ATXN2: variants seen among roughly 807,000 people sequenced by gnomAD.
ATXN2 encodes the protein ataxin-2.
In ATXN2, 37 loss-of-function variants were observed where a neutral mutation model predicts 138.6. The ratio of observed to expected loss-of-function variants is 0.27; its 90% CI spans 0.21 to 0.35. The LOEUF is 0.35. Ranked by LOEUF, ATXN2 falls within the 10% of genes least tolerant of loss-of-function variation. The pLI is 1.00. For missense variants in ATXN2, 1,216 were observed against 1,480.3 expected, an observed-to-expected ratio of 0.82 and a Z score of 2.93; for synonymous variants, 549 against 543.7, an observed-to-expected ratio of 1.01 and a Z score of -0.13.
intron 14 of ATXN2, among the ~76,000 whole-genome samples, chr12:111,490,266 A>T (rs947348688): frequency 3.3e-5 from 5 of 152,070 alleles, no homozygotes; most frequent in Admixed American, 6.6e-5. Context: ...TTGGCTTTTA[A>T]TTCTCAGGGC....
intron 1 of ATXN2, among the ~76,000 whole-genome samples, chr12:111,568,463 AG>A (rs1883136447): frequency 6.6e-6 from 1 of 152,198 alleles, no homozygotes; most frequent in South Asian, 2.1e-4. Flanking sequence ...CCTGGGTAAC[AG>A]ATTTTTTTAT....
At chr12:111,582,351 C>CAGA (rs10693535) in intron 1 of ATXN2, among the ~76,000 whole-genome samples, 147,863 of 151,596 alleles carry the variant, frequency 0.98, 72,136 homozygotes, top group East Asian at 1. Flanking sequence ...GAGGCTGAGG[C>CAGA]AGAACTGCTT....
At chr12:111,462,026 CCA>C (rs1480714548) in intron 21 of ATXN2, among the ~76,000 whole-genome samples, 2 of 151,914 alleles carry the variant, frequency 1.3e-5, no homozygotes, top group African/African-American at 2.4e-5. Context: ...GGGTTCTGAC[CCA>C]CACATATTAT....
intron 14 of ATXN2, among the ~76,000 whole-genome samples, chr12:111,490,169 T>G (rs1038179841): frequency 2.7e-5 from 4 of 149,922 alleles, no homozygotes; most frequent in African/African-American, 9.9e-5. Flanking sequence ...ATCACACCAC[T>G]GCACTCCAGC....
Position 111,452,630 on chromosome 12 carries a change from C to G in ATXN2, c.*182G>C, listed in dbSNP as rs150319790. 1.4e-3 allele frequency: 973 copies of G among 701,824 alleles called. 3 individuals carry two copies. Among genetic ancestry groups the G allele is most frequent in the South Asian group, 3.9e-3 (207 of 52,940 alleles). The allele number at this position is 701,824 out of a possible 1,614,324, so 43.5% of individuals were successfully genotyped here. On this transcript the variant is annotated 3_prime_UTR_variant, in exon 25 of 25. Transcript: ENST00000673436. ...ATAGCCCCCAAGTTCCTAAATGCCT[C>G]TACTCGGTCCAAGTATCTTCCACTG...
At chr12:111,488,894 GCTT>G in intron 14 of ATXN2, 114 bp from the exon 15 acceptor site, 1 of 904,640 alleles carries the variant, frequency 1.1e-6, no homozygotes, top group African/African-American at 1.7e-5. Flanking sequence ...TCTGAATAAG[GCTT>G]TTTTCATACT....
rs757837884 is a variant in ATXN2, at chr12:111,553,572, CAAAAAAAAAAAA to C, written c.348+574_348+585del. On this transcript the variant is annotated intron_variant, in intron 3 of 24. Transcript: ENST00000673436. ...AGACGCAACCATGCCTCTTTTTTCT[CAAAAAAAAAAAA>C]AAAAAAAAAAAAAAAAAAAATTTTT... is the stretch of plus-strand genomic sequence containing the variant. 1.2e-3 allele frequency among the ~76,000 whole-genome samples: 58 copies of C among 48,928 alleles called. 1 individual carries two copies. Among genetic ancestry groups the C allele is most frequent in the Admixed American group, 1.5e-3 (4 of 2,694 alleles). 32.1% of individuals were successfully genotyped at this position (48,928 alleles called of 152,430 possible). A position where few individuals can be genotyped will look rare whatever the true frequency, so the allele number is the denominator to read the frequency against.
chr12:111,597,395 G>A (rs1485177443), intron 1 of ATXN2, among the ~76,000 whole-genome samples: 1 of 152,154 alleles, frequency 6.6e-6, no homozygotes, highest in African/African-American at 2.4e-5. Context: ...CCGGTCACCC[G>A]CCGTCAAGCC....
intron 5 of ATXN2, among the ~76,000 whole-genome samples, chr12:111,545,732 G>C (rs564134748): frequency 6.6e-6 from 1 of 151,976 alleles, no homozygotes; most frequent in African/African-American, 2.4e-5. Context: ...GCCAAGGTGG[G>C]AAGACTCTTA....
intron 1 of ATXN2, among the ~76,000 whole-genome samples, chr12:111,596,625 T>A (rs1185024885): frequency 1.3e-5 from 2 of 152,194 alleles, no homozygotes; most frequent in African/African-American, 4.8e-5. Context: ...ACAAGTACAT[T>A]AACGATCTGT....
At chr12:111,459,394 C>A (rs1479722245) in intron 21 of ATXN2, among the ~76,000 whole-genome samples, 1 of 152,294 alleles carries the variant, frequency 6.6e-6, no homozygotes, top group African/African-American at 2.4e-5. Flanking sequence ...AAATTTCGAA[C>A]CTGAGTTTGT....
At chr12:111,522,194 G>A (rs1880194501) in intron 6 of ATXN2, among the ~76,000 whole-genome samples, 1 of 149,852 alleles carries the variant, frequency 6.7e-6, no homozygotes, top group African/African-American at 2.5e-5. Flanking sequence ...ACTTATGGAG[G>A]CTTTAAAATT....
chr12:111,546,505 A>AGGCT (rs1380102190), intron 5 of ATXN2, among the ~76,000 whole-genome samples: 1 of 152,216 alleles, frequency 6.6e-6, no homozygotes, highest in Admixed American at 6.5e-5. Context: ...CCTATCATCT[A>AGGCT]GGCTGAGAAT....
chr12:111,529,320 TAAC>T (rs1007873527), intron 5 of ATXN2, among the ~76,000 whole-genome samples: 1 of 151,628 alleles, frequency 6.6e-6, no homozygotes, highest in Admixed American at 6.6e-5. Flanking sequence ...AAAAGCATTG[TAAC>T]AACAAGATGC....
At chr12:111,510,032 A>C (rs1230638728) in intron 12 of ATXN2, 34 bp from the exon 13 acceptor site, 1 of 1,435,814 alleles carries the variant, frequency 7.0e-7, no homozygotes, top group Non-Finnish European at 9.6e-7. Flanking sequence ...AATTCAGATA[A>C]GTTAGAAAAG....
rs1397302015 is a variant in ATXN2 at position 111,518,249 on chromosome 12, C to T, written c.1165G>A (p.Gly389Ser). ...TGACAAGTCTGGTCAAAATACTTGC[C>T]TCCATTAACTACTCTTTGGTCTGAA... Reference protein sequence around the residue: ...SGSDQRVVNGGVPWPSPCPSP... With the variant: ...SGSDQRVVNGSVPWPSPCPSP... Residue 389 changes from glycine to serine, a missense_variant and splice_region_variant, in exon 9 of 25, where the codon GGT becomes AGT. Gly to Ser is a moderately conservative substitution (Grantham distance 56, BLOSUM62 0). This residue lies in a region of ATXN2 where 401 missense variants were observed against 528.1 expected (regional missense o/e 0.76). Transcript: ENST00000673436. 1 of 1,577,058 alleles carries T rather than the reference C, an allele frequency of 6.3e-7. No individual in the cohort carries two copies. The highest frequency in any genetic ancestry group is 8.6e-7 in the Non-Finnish European group (1 of 1,156,950).
At chr12:111,515,068 T>C (rs1394778655) in intron 10 of ATXN2, among the ~76,000 whole-genome samples, 1 of 152,202 alleles carries the variant, frequency 6.6e-6, no homozygotes, top group African/African-American at 2.4e-5. Context: ...GTGACCACTA[T>C]TAAGGCCCTT....
intron 10 of ATXN2, 77 bp from the exon 11 acceptor site, chr12:111,513,616 C>T (rs1879674992): frequency 7.6e-7 from 1 of 1,311,608 alleles, no homozygotes; most frequent in Non-Finnish European, 1.0e-6. Flanking sequence ...TACACCCATT[C>T]ACACACACAT....
intron 14 of ATXN2, among the ~76,000 whole-genome samples, chr12:111,507,195 C>T (rs1482725895): frequency 6.6e-6 from 1 of 151,392 alleles, no homozygotes; most frequent in African/African-American, 2.4e-5. Flanking sequence ...CTCTTCCCGG[C>T]CGCCATCCCG....
Sources: gnomAD v4.1 joint callset for allele counts (sites outside exome capture counted in the v4.1 genomes callset) on GRCh38, gnomAD v4.1.1 for gene constraint, gnomAD v4.1.1 regional missense constraint, MANE v1.5 for transcripts, NCBI Gene and HGNC (gene_info 2026-07-23, HGNC 2026-07-21) for gene names.